ZNF609: variants seen among roughly 807,000 people sequenced by gnomAD.
ZNF609 encodes the protein zinc finger protein 609.
A neutral mutation model predicts 109.5 loss-of-function variants in ZNF609; 11 were observed. That is an observed-to-expected ratio of 0.10 (90% confidence interval 0.06 to 0.17). The LOEUF (loss-of-function observed/expected upper bound fraction) is 0.17. ZNF609 is among the 10% of genes least tolerant of loss of function. The pLI is 1.00. For synonymous variants in ZNF609, 646 were observed against 662.0 expected, an observed-to-expected ratio of 0.98 and a Z score of 0.37; for missense variants, 1,559 against 1,772.4, an observed-to-expected ratio of 0.88 and a Z score of 2.16.
intron 2 of ZNF609, among the ~76,000 whole-genome samples, chr15:64,613,498 A>G (rs183224352): frequency 9.9e-4 from 151 of 152,304 alleles, no homozygotes; most frequent in Non-Finnish European, 1.3e-3. Flanking sequence ...CTAGCCTCTC[A>G]TGACAAGGAA....
intron 2 of ZNF609, among the ~76,000 whole-genome samples, chr15:64,576,418 A>G (rs1206806146): frequency 6.6e-6 from 1 of 152,082 alleles, no homozygotes; most frequent in East Asian, 1.9e-4. Flanking sequence ...TATGATGTCA[A>G]TTCAGAATTT....
chr15:64,627,513 G>A (rs1895984186), intron 3 of ZNF609, among the ~76,000 whole-genome samples: 1 of 152,106 alleles, frequency 6.6e-6, no homozygotes, highest in Non-Finnish European at 1.5e-5. Context: ...GAGCACTGGA[G>A]TAAAACTCTG....
intron 2 of ZNF609, among the ~76,000 whole-genome samples, chr15:64,514,024 C>T (rs1893772147): frequency 6.7e-6 from 1 of 149,764 alleles, no homozygotes; most frequent in African/African-American, 2.5e-5. Context: ...CCCGGGAGGT[C>T]GAGGCTGCAG....
chr15:64,614,642 G>A (rs1051436568), intron 2 of ZNF609, among the ~76,000 whole-genome samples: 1 of 152,016 alleles, frequency 6.6e-6, no homozygotes, highest in African/African-American at 2.4e-5. Context: ...AGCAAATTAA[G>A]TTTTATATAA....
intron 3 of ZNF609, among the ~76,000 whole-genome samples, chr15:64,655,767 T>TGCA (rs1896480127): frequency 6.6e-6 from 1 of 152,142 alleles, no homozygotes; most frequent in South Asian, 2.1e-4. Context: ...GGGACGGGGT[T>TGCA]GCAGTGAGCT....
chr15:64,669,487 T>C (rs145549110), intron 3 of ZNF609, among the ~76,000 whole-genome samples: 1 of 152,300 alleles, frequency 6.6e-6, no homozygotes, highest in Non-Finnish European at 1.5e-5. Context: ...ACATATAAAA[T>C]ATCTGTGGAA....
At chr15:64,491,846 AAAAT>A (rs778010624) in intron 1 of ZNF609, among the ~76,000 whole-genome samples, 12 of 151,944 alleles carry the variant, frequency 7.9e-5, no homozygotes, top group African/African-American at 2.4e-4. Context: ...TTCCGTCTCA[AAAAT>A]AAATAAATAA....
At chr15:64,670,576 T>C (rs1403723479) in intron 4 of ZNF609, 143 bp downstream of exon 4, 1 of 736,408 alleles carries the variant, frequency 1.4e-6, no homozygotes, top group East Asian at 2.8e-5. Context: ...TGTATTTATC[T>C]GACATTCAAG....
chr15:64,647,436 C>G (rs1369563082), intron 3 of ZNF609, among the ~76,000 whole-genome samples: 1 of 151,972 alleles, frequency 6.6e-6, no homozygotes, highest in Non-Finnish European at 1.5e-5. Flanking sequence ...GAGACAAAGT[C>G]AAAATTCACC....
intron 2 of ZNF609, chr15:64,528,696 G>T: frequency 8.5e-7 from 1 of 1,183,180 alleles, no homozygotes; most frequent in Non-Finnish European, 1.2e-6. Context: ...TGGGCCATGA[G>T]GTGCACCACC....
chr15:64,563,762 G>C (rs559215140), intron 2 of ZNF609, among the ~76,000 whole-genome samples: 2 of 151,604 alleles, frequency 1.3e-5, no homozygotes, highest in Non-Finnish European at 2.9e-5. Flanking sequence ...CAACGAGAGC[G>C]AAACTCTGTC....
chr15:64,637,749 GAT>G (rs1300531623), intron 3 of ZNF609, among the ~76,000 whole-genome samples: 4 of 151,692 alleles, frequency 2.6e-5, no homozygotes, highest in Non-Finnish European at 5.9e-5. Flanking sequence ...TTTTCTTATT[GAT>G]TTGTATGAAT....
At chr15:64,630,319 G>A (rs906773081) in intron 3 of ZNF609, among the ~76,000 whole-genome samples, 1 of 151,624 alleles carries the variant, frequency 6.6e-6, no homozygotes, top group Admixed American at 6.6e-5. Context: ...TGATCCACCC[G>A]CCTCGGCCTC....
intron 3 of ZNF609, among the ~76,000 whole-genome samples, chr15:64,656,381 T>C (rs182345651): frequency 9.5e-4 from 144 of 152,262 alleles, no homozygotes; most frequent in African/African-American, 3.3e-3. Flanking sequence ...TTCTATAACT[T>C]ATTTTAATAT....
At chr15:64,545,623 T>C (rs1894346142) in intron 2 of ZNF609, among the ~76,000 whole-genome samples, 2 of 152,198 alleles carry the variant, frequency 1.3e-5, no homozygotes, top group South Asian at 4.1e-4. Context: ...AAAACCAAGA[T>C]GTAGAACGTT....
rs896943506 is a variant in ZNF609, at chr15:64,685,436, C to T, written c.*3750C>T. On this transcript the variant is annotated 3_prime_UTR_variant, in exon 10 of 10. Transcript: ENST00000326648. Reference sequence around the variant, plus strand: ...ATGGCAAGCTGTTGAATCCAGTGTCCAGACTACCTGCCTTGTAACCCTTTT... The same window carrying T: ...ATGGCAAGCTGTTGAATCCAGTGTCTAGACTACCTGCCTTGTAACCCTTTT... 3.3e-5 allele frequency: 5 copies of T among 152,852 alleles called. No homozygotes were observed. Among genetic ancestry groups the T allele is most frequent in the African/African-American group, 1.2e-4 (5 of 41,424 alleles). 9.5% of individuals were successfully genotyped at this position (152,852 alleles called of 1,614,324 possible).
At chr15:64,532,426 A>AT (rs751667575) in intron 2 of ZNF609, among the ~76,000 whole-genome samples, 4 of 152,210 alleles carry the variant, frequency 2.6e-5, no homozygotes, top group Non-Finnish European at 5.9e-5. Flanking sequence ...AGCACCTATA[A>AT]TAGTACCTGG....
In ZNF609 at chr15:64,540,849, G is replaced by T. The variant is rs1894241007; in HGVS notation, c.747+40683G>T. On this transcript the variant is annotated intron_variant, in intron 2 of 9. Coordinates refer to ENST00000326648, the MANE Select transcript of ZNF609 (RefSeq NM_015042.2). ...TCGAGACCATTCTGGCCAACATGGT[G>T]AAACCCTGTCTCTACTAAAAATACA... 4.1e-5 allele frequency among the ~76,000 whole-genome samples: 6 copies of T among 147,758 alleles called. No homozygotes were observed. The Admixed American group carries it at 4.1e-4, about 10-fold the overall frequency.
At chr15:64,530,204 T>C (rs1894039292) in intron 2 of ZNF609, among the ~76,000 whole-genome samples, 1 of 151,896 alleles carries the variant, frequency 6.6e-6, no homozygotes, top group East Asian at 1.9e-4. Flanking sequence ...TTGGTAGAGA[T>C]GGGGTTTCAT....
Sources: gnomAD v4.1 joint callset for allele counts (sites outside exome capture counted in the v4.1 genomes callset) on GRCh38, gnomAD v4.1.1 for gene constraint, MANE v1.5 for transcripts, NCBI Gene and HGNC (gene_info 2026-07-23, HGNC 2026-07-21) for gene names.